ASH1L: variants seen among roughly 807,000 people sequenced by gnomAD.
ASH1L encodes histone-lysine N-methyltransferase ASH1L.
A neutral mutation model predicts 269.0 loss-of-function variants in ASH1L; 23 were observed. The ratio of observed to expected loss-of-function variants is 0.09; its 90% confidence interval spans 0.06 to 0.12. The LOEUF (loss-of-function observed/expected upper bound fraction) is 0.12. Among genes scored for constraint, ASH1L ranks in the 10% least tolerant of loss-of-function variants. ASH1L has a pLI of 1.00. For synonymous variants in ASH1L, 1,187 were observed against 1,253.5 expected, an observed-to-expected ratio of 0.95 and a Z score of 1.12; for missense variants, 2,912 against 3,567.8, an observed-to-expected ratio of 0.82 and a Z score of 4.68.
chr1:155,506,725 T>C lies in ASH1L; in HGVS notation c.420+14375A>G, dbSNP rs189138834. On this transcript the variant is annotated intron_variant, in intron 2 of 27. Coordinates refer to ENST00000392403, the MANE Select transcript of ASH1L (RefSeq NM_018489.3). ...AAAAAAAGAAAAAGAAACATTAATC[T>C]ACCAGTTATATAGCATTATAAAATT... 2.4e-3 allele frequency among the ~76,000 whole-genome samples: 366 copies of C among 152,186 alleles called. 1 individual carries two copies. Among genetic ancestry groups the C allele is most frequent in the African/African-American group, 8.4e-3 (349 of 41,544 alleles).
chr1:155,492,743 GTTTT>G (rs58775424), intron 2 of ASH1L, among the ~76,000 whole-genome samples: 2 of 144,456 alleles, frequency 1.4e-5, no homozygotes, highest in South Asian at 4.4e-4. Flanking sequence ...AAACAAGTAG[GTTTT>G]TTTTTTTTCT....
chr1:155,472,127 C>T (rs1437148518), intron 3 of ASH1L, among the ~76,000 whole-genome samples: 1 of 152,022 alleles, frequency 6.6e-6, no homozygotes, highest in Non-Finnish European at 1.5e-5. Context: ...CCCGACTCTA[C>T]AAAAAATTCA....
intron 1 of ASH1L, among the ~76,000 whole-genome samples, chr1:155,553,059 C>T (rs1055617589): frequency 6.6e-6 from 1 of 152,122 alleles, no homozygotes; most frequent in Non-Finnish European, 1.5e-5. Context: ...CTCAAAATTA[C>T]AGTCAATAAG....
chr1:155,535,554 T>C (rs184824672), intron 1 of ASH1L, among the ~76,000 whole-genome samples: 141 of 150,410 alleles, frequency 9.4e-4, no homozygotes, highest in Non-Finnish European at 1.6e-3. Context: ...GCCAAGGCAA[T>C]AGGACTGCTT....
intron 3 of ASH1L, among the ~76,000 whole-genome samples, chr1:155,474,682 G>A (rs904581512): frequency 6.6e-6 from 1 of 152,044 alleles, no homozygotes; most frequent in African/African-American, 2.4e-5. Flanking sequence ...CTGGGCAACA[G>A]AGTGAGAGCC....
Position 155,481,997 on chromosome 1 carries a change from T to C in ASH1L, c.873A>G (p.Pro291=). Residue 291 remains proline, a synonymous_variant, in exon 3 of 28, where the codon CCA becomes CCG. Transcript: ENST00000392403. ...GLVTKDPGKK[P]VFNAAVGLVN... ...CCAATCCTACTGCTGCATTAAACAC[T>C]GGCTTTTTCCCAGGATCTTTAGTTA... 2 of 1,614,208 alleles carry C rather than the reference T, an allele frequency of 1.2e-6. No homozygotes were observed. The highest frequency in any genetic ancestry group is 1.7e-6 in the Non-Finnish European group (2 of 1,180,026).
intron 6 of ASH1L, among the ~76,000 whole-genome samples, chr1:155,398,126 A>G (rs1473427976): frequency 6.6e-6 from 1 of 152,242 alleles, no homozygotes; most frequent in African/African-American, 2.4e-5. Flanking sequence ...ATTAATATAC[A>G]TCTAGGACTA....
upstream of ASH1L, chr1:155,562,839 C>A (rs1187721406): frequency 1.4e-5 from 7 of 500,736 alleles, no homozygotes; most frequent in East Asian, 5.6e-5. Context: ...TCTCTCCTCC[C>A]CCCCCTTCCC....
At chr1:155,551,867 T>C (rs953914016) in intron 1 of ASH1L, among the ~76,000 whole-genome samples, 1 of 149,796 alleles carries the variant, frequency 6.7e-6, no homozygotes, top group East Asian at 2.0e-4. Flanking sequence ...TCCCAGTGAC[T>C]TGGGAGGCTG....
chr1:155,355,376 G>T (rs1654290005), intron 15 of ASH1L, among the ~76,000 whole-genome samples: 1 of 152,196 alleles, frequency 6.6e-6, no homozygotes, highest in Non-Finnish European at 1.5e-5. Context: ...AAACTTAAAT[G>T]AATTATGTGT....
At chr1:155,487,767 A>G (rs1371498617) in intron 2 of ASH1L, among the ~76,000 whole-genome samples, 1 of 151,722 alleles carries the variant, frequency 6.6e-6, no homozygotes, top group Non-Finnish European at 1.5e-5. Flanking sequence ...TATGATGGGT[A>G]TTTTTCTATA....
chr1:155,360,802 C>A (rs1416048598), intron 12 of ASH1L, among the ~76,000 whole-genome samples: 1 of 152,132 alleles, frequency 6.6e-6, no homozygotes, highest in African/African-American at 2.4e-5. Context: ...GAGTAAGAAT[C>A]CTAAATAATT....
At chr1:155,340,707 G>A (rs888651490) in intron 25 of ASH1L, among the ~76,000 whole-genome samples, 1 of 151,788 alleles carries the variant, frequency 6.6e-6, no homozygotes, top group African/African-American at 2.4e-5. Context: ...CAATGAAAAT[G>A]TTAATAATGG....
At chr1:155,375,728 G>A (rs1370107868) in intron 10 of ASH1L, among the ~76,000 whole-genome samples, 1 of 152,062 alleles carries the variant, frequency 6.6e-6, no homozygotes, top group Admixed American at 6.6e-5. Context: ...AACCCGGGAG[G>A]TGGAGGCTGC....
chr1:155,378,293 T>A lies in ASH1L; in HGVS notation c.6320A>T (p.Asp2107Val). The A allele has an allele frequency of 6.2e-7, 1 of 1,613,898 alleles. No homozygotes were observed. ...DDDTRKGCVD[D>V]CLNRMIFAEC... ...AGCATGACAGTACCTATTGAGGCAG[T>A]CATCAACACAGCCCTTCCTGGTGTC... Residue 2107 changes from aspartate (D) to valine (V), a missense_variant, in exon 10 of 28, where the codon GAC (aspartate) becomes GTC (valine). By Grantham distance (152) the Asp-to-Val change is radical (BLOSUM62 -3). Around this residue, in one of 13 missense-constraint regions of ASH1L, gnomAD observed 193 missense variants for 311.6 expected, o/e 0.62. Coordinates refer to ENST00000392403, the MANE Select transcript of ASH1L (RefSeq NM_018489.3).
Position 155,360,408 on chromosome 1 carries a change from A to C in ASH1L, c.6688T>G (p.Ser2230Ala), listed in dbSNP as rs1654839451. ...CCAATCCGGTATACTCCATTAACAG[A>C]CCTGTAAAGAGAGAAAACAGAGTTA... The part of the protein sequence containing the change: ...CDPNCEMQKW[S>A]VNGVYRIGLY... Residue 2230 changes from serine to alanine, a missense_variant and splice_region_variant, in exon 13 of 28, where the codon TCT becomes GCT. Ser to Ala is a moderately conservative substitution (Grantham distance 99, BLOSUM62 1). This residue lies in a region of ASH1L where 7 missense variants were observed against 42.5 expected (regional missense o/e 0.16). Coordinates refer to ENST00000392403, the MANE Select transcript of ASH1L (RefSeq NM_018489.3). The C allele has an allele frequency of 6.3e-7, 1 of 1,590,694 alleles. No individual in the cohort carries two copies. The highest frequency in any genetic ancestry group is 8.6e-7 in the Non-Finnish European group (1 of 1,160,022).
intron 1 of ASH1L, among the ~76,000 whole-genome samples, chr1:155,559,062 T>C (rs1431066783): frequency 1.3e-5 from 2 of 152,058 alleles, no homozygotes; most frequent in Non-Finnish European, 2.9e-5. Context: ...CAGGCTGGTC[T>C]CAAACTCCTG....
chr1:155,417,266 G>A (rs1195619587), intron 5 of ASH1L, among the ~76,000 whole-genome samples: 1 of 151,872 alleles, frequency 6.6e-6, no homozygotes, highest in African/African-American at 2.4e-5. Context: ...TGACTGTGGT[G>A]CAGAAGTAGA....
At chr1:155,391,623 G>A (rs550481622) in intron 7 of ASH1L, among the ~76,000 whole-genome samples, 18 of 152,162 alleles carry the variant, frequency 1.2e-4, no homozygotes, top group Middle Eastern at 3.4e-3. Flanking sequence ...TAAGTAATAC[G>A]TTACAGAGAT....
Sources: gnomAD v4.1 joint callset for allele counts (sites outside exome capture counted in the v4.1 genomes callset) on GRCh38, gnomAD v4.1.1 for gene constraint, gnomAD v4.1.1 regional missense constraint, MANE v1.5 for transcripts, NCBI Gene and HGNC (gene_info 2026-07-23, HGNC 2026-07-21) for gene names.